ZNF431: variants seen among roughly 807,000 people sequenced by gnomAD.
ZNF431 encodes the protein zinc finger protein 431.
In ZNF431, 34 loss-of-function variants were observed where a neutral mutation model predicts 57.0. The ratio of observed to expected loss-of-function variants is 0.60; its 90% CI spans 0.45 to 0.79. The LOEUF is 0.79. Ranked by LOEUF, ZNF431 falls within the 30% of genes least tolerant of loss-of-function variation. The pLI, the probability that ZNF431 is intolerant of heterozygous loss-of-function variation, is 0.00. For synonymous variants in ZNF431, 207 were observed against 220.3 expected, an observed-to-expected ratio of 0.94 and a Z score of 0.54; for missense variants, 607 against 667.1, an observed-to-expected ratio of 0.91 and a Z score of 0.99.
chr19:21,194,634 A>G lies in ZNF431; in HGVS notation c.*10600A>G, dbSNP rs115253429. ...CAGGTGCCCACCAGCACACCTGGCT[A>G]ATTTTTATGTTTTTAGTAGAGATCG... is the stretch of plus-strand genomic sequence containing the variant. On this transcript the variant is annotated 3_prime_UTR_variant, in exon 5 of 5. Coordinates refer to ENST00000311048, the MANE Select transcript of ZNF431 (RefSeq NM_133473.4). The G allele has an allele frequency of 6.6e-6, 1 of 152,090 alleles. No individual in the cohort carries two copies. The highest frequency in any genetic ancestry group is 2.4e-5 in the African/African-American group (1 of 41,496). The allele number at this position is 152,090 out of a possible 1,614,324, so 9.4% of individuals were successfully genotyped here.
At position 21,184,063 on chromosome 19, in the gene ZNF431, A is replaced by G. The variant is rs765992934; in HGVS notation, c.*29A>G. 7 of 1,526,080 alleles carry G rather than the reference A, an allele frequency of 4.6e-6. No homozygotes were observed. The South Asian group carries it at 8.1e-5, about 18-fold the overall frequency. The allele number at this position is 1,526,080 out of a possible 1,614,324, so 94.5% of individuals were successfully genotyped here. The stretch of plus-strand genomic sequence containing the variant: ...GTCCTCAACTCTTACTAAGCATTAA[A>G]TATTGGCCGGGTGCGGTGGCTTATG... On this transcript the variant is annotated 3_prime_UTR_variant, in exon 5 of 5. Coordinates refer to ENST00000311048, the MANE Select transcript of ZNF431 (RefSeq NM_133473.4).
In ZNF431 at chr19:21,151,566, G is replaced by A. The variant is rs552343785; in HGVS notation, c.96+7923G>A. The stretch of plus-strand genomic sequence containing the variant: ...TAAGAAAGTACTCATTCCCTAAGCC[G>A]GGAATTGAATCCTGAACCTGGGCCA... On this transcript the variant is annotated intron_variant, in intron 2 of 4. Transcript: ENST00000311048. 2.2e-3 allele frequency among the ~76,000 whole-genome samples: 333 copies of A among 152,206 alleles called. 2 individuals carry two copies. Among genetic ancestry groups the A allele is most frequent in the African/African-American group, 7.8e-3 (322 of 41,526 alleles).
At position 21,189,904 on chromosome 19, in the gene ZNF431, G is replaced by A. The variant is rs768822603; in HGVS notation, c.*5870G>A. ...CTCACACCTGTAATCCCAGCTCTGG[G>A]AGGCCAAGGCCAGTGGATTGCTTGA... On this transcript the variant is annotated 3_prime_UTR_variant, in exon 5 of 5. Coordinates refer to ENST00000311048, the MANE Select transcript of ZNF431 (RefSeq NM_133473.4). The A allele has an allele frequency of 5.0e-5, 20 of 397,936 alleles. 1 individual carries two copies. The highest frequency in any genetic ancestry group is 2.1e-5 in the African/African-American group (1 of 48,578). 24.7% of individuals were successfully genotyped at this position (397,936 alleles called of 1,614,324 possible).
At chr19:21,149,593 G>GA (rs1156600057) in intron 2 of ZNF431, 7 of 220,880 alleles carry the variant, frequency 3.2e-5, no homozygotes, top group African/African-American at 4.6e-5. Flanking sequence ...TTTTTTGAAG[G>GA]AAAGTTTGTA....
In ZNF431 at chr19:21,185,473, T is replaced by G. The variant is rs901727945; in HGVS notation, c.*1439T>G. 6.6e-6 allele frequency: 1 copy of G among 152,242 alleles called. No individual in the cohort carries two copies. The highest frequency in any genetic ancestry group is 2.4e-5 in the African/African-American group (1 of 41,450). The allele number at this position is 152,242 out of a possible 1,614,324, so 9.4% of individuals were successfully genotyped here. On this transcript the variant is annotated 3_prime_UTR_variant, in exon 5 of 5. Transcript: ENST00000311048. ...ATTCTTTTGTTTGTTTGTTCGTTTG[T>G]TTTTTGAGACTGAGTTTCACTCTTT...
At chr19:21,175,313 C>A in intron 4 of ZNF431, 1 of 618,622 alleles carries the variant, frequency 1.6e-6, no homozygotes, top group Non-Finnish European at 2.9e-6. Flanking sequence ...CCTTGGCCTC[C>A]CAAAGTTCTG....
At chr19:21,146,915 T>C (rs980903855) in intron 2 of ZNF431, among the ~76,000 whole-genome samples, 5 of 152,172 alleles carry the variant, frequency 3.3e-5, no homozygotes, top group African/African-American at 1.2e-4. Context: ...TCCTGAGGGT[T>C]GTAGAGGGAT....
At chr19:21,153,777 C>G (rs577320347) in intron 2 of ZNF431, among the ~76,000 whole-genome samples, 2 of 152,056 alleles carry the variant, frequency 1.3e-5, no homozygotes, top group African/African-American at 4.8e-5. Context: ...AGTGCAGTGC[C>G]GTGATCTTGG....
chr19:21,143,401 CTT>C, intron 1 of ZNF431, 148 bp from the exon 2 acceptor site: 1 of 622,224 alleles, frequency 1.6e-6, no homozygotes, highest in Non-Finnish European at 2.9e-6. Flanking sequence ...CCTTTGGAAA[CTT>C]TATGGGGTGA....
In ZNF431 at chr19:21,142,098, C is replaced by T. The variant is rs1264955978; in HGVS notation, c.-86C>T. The T allele has an allele frequency of 2.5e-6, 4 of 1,572,964 alleles. No individual in the cohort carries two copies. In the South Asian group the frequency reaches 3.4e-5, roughly 13 times the overall value. ...CTTCGCTGCTCTGTGTCCTCTGCTC[C>T]TAGAGGCCCAACATCTGTGGCCCTG... is the stretch of plus-strand genomic sequence containing the variant. On this transcript the variant is annotated 5_prime_UTR_variant, in exon 1 of 5. Transcript: ENST00000311048.
rs781142130 is a variant in ZNF431, at chr19:21,183,997, A to G, written c.1694A>G (p.Glu565Gly). The G allele has an allele frequency of 1.3e-6, 2 of 1,579,928 alleles. No homozygotes were observed. The highest frequency in any genetic ancestry group is 1.7e-6 in the Non-Finnish European group (2 of 1,167,382). ...LIKQNNSYWRETLQMSRMWES... is the reference protein window; with the variant it reads ...LIKQNNSYWRGTLQMSRMWES... ...AAACAAAATAATTCATACTGGAGAG[A>G]AACTCTACAAATGTCAAGAATGTGG... is the stretch of plus-strand genomic sequence containing the variant. Residue 565 changes from glutamate to glycine, a missense_variant, in exon 5 of 5, where the codon GAA becomes GGA. Glu to Gly is a moderately conservative substitution (Grantham distance 98). Coordinates refer to ENST00000311048, the MANE Select transcript of ZNF431 (RefSeq NM_133473.4).
chr19:21,196,026 G>A lies in ZNF431; in HGVS notation c.*11992G>A, dbSNP rs1160337278. 1.3e-5 allele frequency: 2 copies of A among 151,256 alleles called. No homozygotes were observed. The highest frequency in any genetic ancestry group is 2.4e-5 in the African/African-American group (1 of 41,080). The allele number at this position is 151,256 out of a possible 1,614,324, so 9.4% of individuals were successfully genotyped here. On this transcript the variant is annotated 3_prime_UTR_variant, in exon 5 of 5. Coordinates refer to ENST00000311048, the MANE Select transcript of ZNF431 (RefSeq NM_133473.4). ...ATAAATTTTATATAGCATTCAATTT[G>A]ACAAAATATAAATCTATTTGATTTG...
chr19:21,180,944 G>GA (rs926830855), intron 4 of ZNF431, among the ~76,000 whole-genome samples: 1,778 of 68,034 alleles, frequency 0.026, 16 homozygotes, highest in Middle Eastern at 0.07. Context: ...CATATCAAAA[G>GA]AAAAAAAAAA....
chr19:21,156,356 G>A (rs533868117), intron 2 of ZNF431, among the ~76,000 whole-genome samples: 108 of 148,780 alleles, frequency 7.3e-4, no homozygotes, highest in African/African-American at 2.5e-3. Flanking sequence ...TCTTCCCCAC[G>A]CATGGATTTT....
intron 2 of ZNF431, among the ~76,000 whole-genome samples, chr19:21,148,002 T>TA (rs1857835559): frequency 6.7e-6 from 1 of 149,588 alleles, no homozygotes; most frequent in Non-Finnish European, 1.5e-5. Context: ...TTTTTTTAAT[T>TA]TTTTTTTTTT....
At chr19:21,158,431 CTCATGA>C (rs1335382132) in intron 2 of ZNF431, among the ~76,000 whole-genome samples, 1 of 152,082 alleles carries the variant, frequency 6.6e-6, no homozygotes, top group African/African-American at 2.4e-5. Context: ...AACTCCTGAC[CTCATGA>C]TCCGCCCACC....
intron 2 of ZNF431, chr19:21,150,274 G>A: frequency 2.0e-6 from 1 of 488,574 alleles, no homozygotes; most frequent in South Asian, 1.7e-5. Flanking sequence ...ATATAGTGGG[G>A]CCATTTCGGG....
intron 2 of ZNF431, among the ~76,000 whole-genome samples, chr19:21,157,183 A>G (rs1308726246): frequency 6.6e-6 from 1 of 152,032 alleles, no homozygotes; most frequent in East Asian, 1.9e-4. Context: ...TGTCACCCAG[A>G]CTAGAGTGCA....
In ZNF431 at chr19:21,182,996, T is replaced by C. The variant is rs906647657; in HGVS notation, c.693T>C (p.Ser231=). ...AAAGAATTCATATTAGAGAGAATTC[T>C]TACCAATGTGAAGAATGTGGCAAAG... ...QHKRIHIREN[S]YQCEECGKAF... The change falls in exon 5 of 5, where the codon TCT becomes TCC. Residue 231 remains serine (S), a synonymous_variant. Coordinates refer to ENST00000311048, the MANE Select transcript of ZNF431 (RefSeq NM_133473.4). The C allele has an allele frequency of 1.2e-6, 2 of 1,614,078 alleles. No homozygotes were observed. The highest frequency in any genetic ancestry group is 1.7e-6 in the Non-Finnish European group (2 of 1,179,948).
Sources: allele counts gnomAD v4.1 joint callset (sites outside exome capture counted in the v4.1 genomes callset), GRCh38; gene constraint gnomAD v4.1.1; transcripts MANE v1.5; gene names NCBI Gene and HGNC (gene_info 2026-07-23, HGNC 2026-07-21).